ECSIT: variants seen among roughly 807,000 people sequenced by gnomAD.
ECSIT encodes evolutionarily conserved signaling intermediate in Toll pathway, mitochondrial.
ECSIT carries 29 observed loss-of-function variants against 36.8 expected under a neutral mutation model. That is an observed-to-expected ratio of 0.79 (90% CI 0.59 to 1.08). The LOEUF is 1.08. Among genes scored for constraint, ECSIT ranks in the 50% least tolerant of loss-of-function variants. ECSIT has a pLI of 0.00. For missense variants in ECSIT, 542 were observed against 581.0 expected (o/e 0.93, Z 0.69); for synonymous variants, 231 against 234.8 (o/e 0.98, Z 0.15).
chr19:11,518,237 G>C (rs972780367), intron 2 of ECSIT, among the ~76,000 whole-genome samples: 1 of 151,766 alleles, frequency 6.6e-6, no homozygotes, highest in Admixed American at 6.6e-5. Context: ...GACCAGCCTC[G>C]CCAACATGGC....
At chr19:11,523,190 G>A (rs1046975455) in intron 1 of ECSIT, among the ~76,000 whole-genome samples, 2 of 152,068 alleles carry the variant, frequency 1.3e-5, no homozygotes, top group African/African-American at 2.4e-5. Flanking sequence ...CTTACTCAAT[G>A]TGAAGACGAT....
intron 1 of ECSIT, among the ~76,000 whole-genome samples, chr19:11,527,267 A>G (rs961440039): frequency 6.6e-6 from 1 of 152,316 alleles, no homozygotes; most frequent in African/African-American, 2.4e-5. Flanking sequence ...GGTTGCAATG[A>G]GCCAAGATTG....
chr19:11,522,460 C>A, intron 1 of ECSIT: 8 of 1,444,494 alleles, frequency 5.5e-6, no homozygotes, highest in Non-Finnish European at 7.7e-6. Context: ...TCAGCACAAG[C>A]CACGCTTCAC....
chr19:11,514,233 G>A lies in ECSIT; in HGVS notation c.97-12C>T. Reference sequence around the variant, plus strand: ...AGCCGGCGAGGGACCTGGGGAGGGAGGAGAACTGCTGGAATCTGGCACCTC... The same window carrying A: ...AGCCGGCGAGGGACCTGGGGAGGGAAGAGAACTGCTGGAATCTGGCACCTC... On this transcript the variant is annotated splice_polypyrimidine_tract_variant and intron_variant, in intron 2 of 7. Transcript: ENST00000270517. 1 of 1,591,416 alleles carries A rather than the reference G, an allele frequency of 6.3e-7. No individual in the cohort carries two copies. The highest frequency in any genetic ancestry group is 8.5e-7 in the Non-Finnish European group (1 of 1,170,114).
intron 4 of ECSIT, among the ~76,000 whole-genome samples, chr19:11,508,382 G>GTTTTTTTTTTTTTTTTTTTT (rs1418652426): frequency 8.6e-5 from 10 of 115,810 alleles, no homozygotes; most frequent in African/African-American, 4.7e-4. Flanking sequence ...ACTTAATTCC[G>GTTTTTTTTTTTTTTTTTTTT]ATTTTTTTTT....
chr19:11,512,953 T>C (rs1971901231), intron 4 of ECSIT, 103 bp downstream of exon 4: 2 of 1,219,810 alleles, frequency 1.6e-6, no homozygotes, highest in Non-Finnish European at 2.4e-6. Flanking sequence ...AAAAAAGAAC[T>C]TGATTCACCA....
intron 4 of ECSIT, among the ~76,000 whole-genome samples, chr19:11,511,070 C>T (rs1373647717): frequency 6.6e-6 from 1 of 152,110 alleles, no homozygotes; most frequent in Admixed American, 6.6e-5. Flanking sequence ...CTCTGCTCTC[C>T]TTACCTCCCC....
intron 2 of ECSIT, among the ~76,000 whole-genome samples, chr19:11,517,327 G>A (rs1371326147): frequency 1.3e-5 from 2 of 151,900 alleles, no homozygotes; most frequent in Non-Finnish European, 2.9e-5. Flanking sequence ...CAGGTTGGGC[G>A]CAGTGGCTCG....
At chr19:11,528,957 G>T (rs985428855) in intron 1 of ECSIT, 105 bp downstream of exon 1, 1 of 152,274 alleles carries the variant, frequency 6.6e-6, no homozygotes, top group East Asian at 1.9e-4. Context: ...TGGCGCCCTG[G>T]CCCTGCAGCT....
At chr19:11,522,932 G>C (rs1177468639) in intron 1 of ECSIT, among the ~76,000 whole-genome samples, 1 of 151,518 alleles carries the variant, frequency 6.6e-6, no homozygotes, top group African/African-American at 2.4e-5. Flanking sequence ...ATAGCCAGGC[G>C]TGGTGGCAGG....
chr19:11,510,173 A>C lies in ECSIT; in HGVS notation c.739-2125T>G, dbSNP rs143641467. Among the ~76,000 whole-genome samples, 126 of 138,822 alleles carry C rather than the reference A, an allele frequency of 9.1e-4. 1 individual carries two copies. The highest frequency in any genetic ancestry group is 3.2e-3 in the African/African-American group (121 of 37,782). The allele number at this position is 138,822 out of a possible 152,430, so 91.1% of individuals were successfully genotyped here. ...CAGGCGTAAGCCACCATGCCTGGCT[A>C]AAGAACTTCTTTTTTTTAAACAGAC... On this transcript the variant is annotated intron_variant, in intron 4 of 7. Coordinates refer to ENST00000270517, the MANE Select transcript of ECSIT (RefSeq NM_016581.5).
intron 2 of ECSIT, among the ~76,000 whole-genome samples, chr19:11,515,330 C>A (rs750309438): frequency 1.3e-5 from 2 of 151,656 alleles, no homozygotes; most frequent in African/African-American, 4.8e-5. Context: ...GTCTCGATCT[C>A]CTGACCTCGT....
chr19:11,508,164 G>T, intron 4 of ECSIT, 116 bp from the exon 5 acceptor site: 1 of 1,263,514 alleles, frequency 7.9e-7, no homozygotes, highest in Non-Finnish European at 1.2e-6. Flanking sequence ...CCTGGATCTG[G>T]TACACGGCCC....
chr19:11,505,991 C>A lies in ECSIT; in HGVS notation c.*193G>T. The A allele has an allele frequency of 9.7e-7, 1 of 1,033,392 alleles. No individual in the cohort carries two copies. Among genetic ancestry groups the A allele is most frequent in the East Asian group, 2.5e-5 (1 of 39,432 alleles). The allele number at this position is 1,033,392 out of a possible 1,614,324, so 64.0% of individuals were successfully genotyped here. A position where few individuals can be genotyped will look rare whatever the true frequency, so the allele number is the denominator to read the frequency against. On this transcript the variant is annotated 3_prime_UTR_variant, in exon 8 of 8. Transcript: ENST00000270517. ...GAATTCGGAGAACCAGAGGCGCCTGCAGATTCTGGAGGGGTCTCGCCTGCC... is the reference window on the plus strand; with the variant it reads ...GAATTCGGAGAACCAGAGGCGCCTGAAGATTCTGGAGGGGTCTCGCCTGCC...
intron 7 of ECSIT, 35 bp from the exon 8 acceptor site, chr19:11,506,463 G>T: frequency 6.3e-7 from 1 of 1,583,352 alleles, no homozygotes; most frequent in Non-Finnish European, 8.6e-7. Flanking sequence ...GGTTTGCACA[G>T]TGGGGGCTGC....
At chr19:11,511,441 A>G (rs1322581301) in intron 4 of ECSIT, among the ~76,000 whole-genome samples, 1 of 152,058 alleles carries the variant, frequency 6.6e-6, no homozygotes, top group Non-Finnish European at 1.5e-5. Context: ...CTGATTAGGA[A>G]CAGTGGAGCT....
At chr19:11,526,178 T>G (rs973801195) in intron 1 of ECSIT, among the ~76,000 whole-genome samples, 5 of 152,142 alleles carry the variant, frequency 3.3e-5, no homozygotes, top group Non-Finnish European at 7.3e-5. Flanking sequence ...TTGTCCAGAC[T>G]GGTCTTGAAC....
chr19:11,525,385 CTGT>C (rs1157989426), intron 1 of ECSIT, among the ~76,000 whole-genome samples: 1 of 151,914 alleles, frequency 6.6e-6, no homozygotes, highest in African/African-American at 2.4e-5. Flanking sequence ...TAGTATACAC[CTGT>C]CTGTGTTCTC....
intron 2 of ECSIT, among the ~76,000 whole-genome samples, chr19:11,516,553 T>C (rs1972001827): frequency 6.6e-6 from 1 of 151,940 alleles, no homozygotes; most frequent in African/African-American, 2.4e-5. Flanking sequence ...CTCAGGAGGC[T>C]GAAGCAGGAG....
Sources: allele counts gnomAD v4.1 joint callset (sites outside exome capture counted in the v4.1 genomes callset), GRCh38; gene constraint gnomAD v4.1.1; transcripts MANE v1.5; gene names NCBI Gene and HGNC (gene_info 2026-07-23, HGNC 2026-07-21).